The following SIPA1L3 variants were observed in gnomAD, a reference collection of about 807,000 sequenced individuals.
SIPA1L3 encodes the protein signal-induced proliferation-associated 1-like protein 3.
A neutral mutation model predicts 150.1 loss-of-function variants in SIPA1L3; 59 were observed. The ratio of observed to expected loss-of-function variants is 0.39; its 90% CI spans 0.32 to 0.49. The LOEUF (loss-of-function observed/expected upper bound fraction) is 0.49. Among genes scored for constraint, SIPA1L3 ranks in the 20% least tolerant of loss-of-function variants. The pLI is 0.86. For synonymous variants in SIPA1L3, 1,070 were observed against 1,077.6 expected (o/e 0.99, Z 0.14); for missense variants, 2,211 against 2,489.5 (o/e 0.89, Z 2.38).
intron 1 of SIPA1L3, among the ~76,000 whole-genome samples, chr19:37,969,116 T>C (rs2046930530): frequency 6.6e-6 from 1 of 152,208 alleles, no homozygotes; most frequent in African/African-American, 2.4e-5. Context: ...TGCCTGTAGT[T>C]TCAGCTACTA....
At chr19:38,049,466 T>C (rs1969139770) in intron 2 of SIPA1L3, among the ~76,000 whole-genome samples, 1 of 152,170 alleles carries the variant, frequency 6.6e-6, no homozygotes, top group African/African-American at 2.4e-5. Flanking sequence ...GTACATGCTG[T>C]ACATCTGCCA....
At chr19:38,048,487 G>A (rs979836560) in intron 2 of SIPA1L3, among the ~76,000 whole-genome samples, 1 of 152,200 alleles carries the variant, frequency 6.6e-6, no homozygotes, top group South Asian at 2.1e-4. Flanking sequence ...AGCTGGTCCA[G>A]CTGAGGTCAC....
At chr19:38,069,126 T>G (rs141886001) in intron 2 of SIPA1L3, among the ~76,000 whole-genome samples, 10 of 152,180 alleles carry the variant, frequency 6.6e-5, no homozygotes, top group African/African-American at 1.7e-4. Context: ...CTCAGAGGCT[T>G]AAAAATCCAG....
At chr19:37,970,148 T>A (rs73930325) in intron 1 of SIPA1L3, among the ~76,000 whole-genome samples, 43 of 152,348 alleles carry the variant, frequency 2.8e-4, no homozygotes, top group African/African-American at 1.0e-3. Context: ...GGGAACAAAG[T>A]CTGGCCGGAA....
chr19:38,164,384 C>A lies in SIPA1L3; in HGVS notation c.3781-95C>A. On this transcript the variant is annotated intron_variant, in intron 14 of 21. Coordinates refer to ENST00000222345, the MANE Select transcript of SIPA1L3 (RefSeq NM_015073.3). This position sits in a 1 kb window ranked among gnomAD's most constrained non-coding sequence, Gnocchi z 4.1. ...AAGCCAGGATTTGAAGCTGTCTGGT[C>A]CCAGGGTTCAGGCCCAGGCAGAGGG... 1.6e-6 allele frequency: 2 copies of A among 1,212,428 alleles called. No individual in the cohort carries two copies. Among genetic ancestry groups the A allele is most frequent in the Non-Finnish European group, 2.3e-6 (2 of 854,806 alleles). 75.1% of individuals were successfully genotyped at this position (1,212,428 alleles called of 1,614,324 possible). A position where few individuals can be genotyped will look rare whatever the true frequency, so the allele number is the denominator to read the frequency against.
At chr19:38,134,720 A>G (rs911199445) in intron 10 of SIPA1L3, among the ~76,000 whole-genome samples, 1 of 150,726 alleles carries the variant, frequency 6.6e-6, no homozygotes, top group African/African-American at 2.4e-5. Context: ...AAAAAAAAAA[A>G]AAAAAAAAAA....
chr19:38,144,267 A>G (rs1971659095), intron 12 of SIPA1L3, among the ~76,000 whole-genome samples: 1 of 152,282 alleles, frequency 6.6e-6, no homozygotes, highest in Non-Finnish European at 1.5e-5. Flanking sequence ...CACCTGTAAG[A>G]GAGCGAGAGA....
At chr19:37,933,398 G>A (rs939823574) in intron 1 of SIPA1L3, among the ~76,000 whole-genome samples, 126 of 151,860 alleles carry the variant, frequency 8.3e-4, no homozygotes, top group East Asian at 5.6e-3. Context: ...CCTCACCCTC[G>A]CCCTTACTCT....
At chr19:38,006,654 T>C (rs1967946621) in intron 1 of SIPA1L3, among the ~76,000 whole-genome samples, 1 of 152,136 alleles carries the variant, frequency 6.6e-6, no homozygotes, top group Non-Finnish European at 1.5e-5. Flanking sequence ...GCGCACATGC[T>C]GTGGGCAGTG....
At chr19:37,972,432 GT>G (rs1328361576) in intron 1 of SIPA1L3, among the ~76,000 whole-genome samples, 5 of 152,162 alleles carry the variant, frequency 3.3e-5, no homozygotes, top group African/African-American at 1.2e-4. Context: ...GCTGGGTGTG[GT>G]GGCTCATGCC....
At chr19:38,145,241 C>A (rs550600388) in intron 12 of SIPA1L3, among the ~76,000 whole-genome samples, 10 of 149,578 alleles carry the variant, frequency 6.7e-5, no homozygotes, top group South Asian at 2.1e-4. Context: ...CCAAAAAAAA[C>A]ATACAGGTGG....
At chr19:38,051,173 C>T (rs1318506600) in intron 2 of SIPA1L3, among the ~76,000 whole-genome samples, 2 of 152,214 alleles carry the variant, frequency 1.3e-5, no homozygotes, top group Non-Finnish European at 2.9e-5. Flanking sequence ...CTCTGGGTAG[C>T]ACATAGGTTT....
chr19:38,034,760 C>G (rs917157702), intron 2 of SIPA1L3, among the ~76,000 whole-genome samples: 2 of 152,230 alleles, frequency 1.3e-5, no homozygotes, highest in African/African-American at 2.4e-5. Flanking sequence ...CAGGGACTTA[C>G]AAGTGGCTGA....
chr19:38,101,710 C>A (rs1013136077), intron 6 of SIPA1L3, among the ~76,000 whole-genome samples: 1 of 152,066 alleles, frequency 6.6e-6, no homozygotes, highest in Admixed American at 6.6e-5. Context: ...CACGCCTGGC[C>A]ATGTGCAGCC....
intron 1 of SIPA1L3, among the ~76,000 whole-genome samples, chr19:38,000,533 G>T (rs1047580115): frequency 2.7e-5 from 4 of 149,522 alleles, no homozygotes; most frequent in African/African-American, 9.8e-5. Context: ...TCAGATGGAA[G>T]CAGAAATTAG....
At chr19:38,022,973 G>T (rs529169430) in intron 1 of SIPA1L3, among the ~76,000 whole-genome samples, 166 of 152,228 alleles carry the variant, frequency 1.1e-3, no homozygotes, top group African/African-American at 3.9e-3. Context: ...ACCCCCACCC[G>T]CAGTGACTGA....
chr19:38,107,543 C>G (rs1396866622), intron 7 of SIPA1L3, among the ~76,000 whole-genome samples: 1 of 152,228 alleles, frequency 6.6e-6, no homozygotes, highest in Non-Finnish European at 1.5e-5. Context: ...TCTTCCAGTT[C>G]CTAATGAACA....
chr19:38,199,584 T>C lies in SIPA1L3; in HGVS notation c.4984+1052T>C, dbSNP rs908368163. 7.2e-5 allele frequency among the ~76,000 whole-genome samples: 11 copies of C among 151,790 alleles called. No homozygotes were observed. In the South Asian group the frequency reaches 1.9e-3, roughly 26 times the overall value. ...GCTTTTTGCTTCCTTATAAAATTAATAGATGAAACACAGAAGGTTACGGGG... is the reference window on the plus strand; with the variant it reads ...GCTTTTTGCTTCCTTATAAAATTAACAGATGAAACACAGAAGGTTACGGGG... On this transcript the variant is annotated intron_variant, in intron 19 of 21. Transcript: ENST00000222345.
chr19:38,197,411 C>T (rs912957307), intron 18 of SIPA1L3, among the ~76,000 whole-genome samples: 1 of 152,124 alleles, frequency 6.6e-6, no homozygotes, highest in African/African-American at 2.4e-5. Flanking sequence ...GGCGCCGTTG[C>T]TTCTCACTTC....
Sources: gnomAD v4.1 joint callset for allele counts (sites outside exome capture counted in the v4.1 genomes callset) on GRCh38, gnomAD v4.1.1 for gene constraint, Gnocchi (gnomAD v3.1) non-coding constraint, MANE v1.5 for transcripts, NCBI Gene and HGNC (gene_info 2026-07-23, HGNC 2026-07-21) for gene names.